The following C9orf72 variants were observed in gnomAD, a reference collection of about 807,000 sequenced individuals.
C9orf72 encodes C9orf72-SMCR8 complex subunit.
C9orf72 carries 44 observed loss-of-function variants against 51.6 expected under a neutral mutation model. The observed-to-expected ratio is 0.85, with a 90% confidence interval of 0.67 to 1.10. C9orf72 has a LOEUF of 1.10. C9orf72 is among the 50% of genes least tolerant of loss of function. The pLI, the probability that C9orf72 is intolerant of heterozygous loss-of-function variation, is 0.00. For missense variants in C9orf72, 607 were observed against 570.6 expected (o/e 1.06, Z -0.65); for synonymous variants, 213 against 194.2 (o/e 1.10, Z -0.81).
intron 8 of C9orf72, among the ~76,000 whole-genome samples, chr9:27,553,606 C>A (rs1472391939): frequency 6.6e-6 from 1 of 152,078 alleles, no homozygotes; most frequent in Non-Finnish European, 1.5e-5. Flanking sequence ...ATTGTAAAAA[C>A]CCTGGAAGAC....
chr9:27,563,218 A>G (rs1020669392), intron 3 of C9orf72, among the ~76,000 whole-genome samples: 4 of 152,046 alleles, frequency 2.6e-5, no homozygotes, highest in Non-Finnish European at 1.5e-5. Flanking sequence ...TTAAGAATCA[A>G]TAAAACAGAA....
At chr9:27,572,770 A>T (rs1819616045) in intron 1 of C9orf72, among the ~76,000 whole-genome samples, 1 of 152,244 alleles carries the variant, frequency 6.6e-6, no homozygotes, top group Admixed American at 6.5e-5. Flanking sequence ...GATTACCATC[A>T]GTCAAGTGAT....
At position 27,561,594 on chromosome 9, in the gene C9orf72, A is replaced by C. The variant is rs1372750700; in HGVS notation, c.656T>G (p.Phe219Cys). The change falls in exon 5 of 11, where the codon TTT (phenylalanine) becomes TGT (cysteine). Residue 219 changes from phenylalanine to cysteine, a missense_variant. Phe to Cys is a radical substitution (Grantham distance 205, BLOSUM62 -2). Transcript: ENST00000380003. The stretch of plus-strand genomic sequence containing the variant: ...AAAGAAAAATTCTTACTTGAGAAGA[A>C]AGCCTTCATGACAGCTGTCACCAAT... ...DDIGDSCHEG[F>C]LLNAISSHLQ... 6.2e-7 allele frequency: 1 copy of C among 1,612,630 alleles called. No homozygotes were observed. Among genetic ancestry groups the C allele is most frequent in the Admixed American group, 1.7e-5 (1 of 59,860 alleles).
At chr9:27,572,466 T>TTG (rs2131550823) in intron 1 of C9orf72, among the ~76,000 whole-genome samples, 1 of 151,956 alleles carries the variant, frequency 6.6e-6, no homozygotes, top group Non-Finnish European at 1.5e-5. Flanking sequence ...ACAGTATCTT[T>TTG]TTTTTTTTTG....
At chr9:27,573,525 CCCCGG>C (rs1819645536), upstream of C9orf72, 1 of 33,212 alleles carries the variant, frequency 3.0e-5, no homozygotes, top group Admixed American at 3.2e-4. Flanking sequence ...CCCGACCACG[CCCCGG>C]CCCCGGCCCC....
chr9:27,548,842 T>A (rs1226976910), intron 9 of C9orf72, among the ~76,000 whole-genome samples, 176 bp from the exon 10 acceptor site: 7 of 147,260 alleles, frequency 4.8e-5, no homozygotes, highest in Non-Finnish European at 1.0e-4. Flanking sequence ...GTAGGAACAA[T>A]CTGATATTTT....
At chr9:27,550,542 G>A (rs926188373) in intron 9 of C9orf72, 108 bp downstream of exon 9, 18 of 638,490 alleles carry the variant, frequency 2.8e-5, no homozygotes, top group Non-Finnish European at 4.3e-5. Context: ...CAGAACTCTG[G>A]GGCATGATCC....
chr9:27,573,411 G>C lies in C9orf72; in HGVS notation c.-45+20C>G, dbSNP rs544237141. On this transcript the variant is annotated intron_variant, in intron 1 of 10. Coordinates refer to ENST00000380003, the MANE Select transcript of C9orf72 (RefSeq NM_018325.5). ...CGAACCCCAAACAGCCACCCGCCAG[G>C]ATGCCGCCTCCTCACTCACCCACTC... is the stretch of plus-strand genomic sequence containing the variant. The C allele has an allele frequency of 6.6e-6, 1 of 152,112 alleles. No homozygotes were observed. The highest frequency in any genetic ancestry group is 1.5e-5 in the Non-Finnish European group (1 of 68,048). The allele number at this position is 152,112 out of a possible 1,614,324, so 9.4% of individuals were successfully genotyped here. A position where few individuals can be genotyped will look rare whatever the true frequency, so the allele number is the denominator to read the frequency against.
At chr9:27,568,311 C>T (rs543986622) in intron 1 of C9orf72, among the ~76,000 whole-genome samples, 13 of 152,230 alleles carry the variant, frequency 8.5e-5, no homozygotes, top group Non-Finnish European at 1.2e-4. Flanking sequence ...GAGAGTTCTA[C>T]ACTAAATGGC....
Position 27,572,955 on chromosome 9 carries a change from C to G in C9orf72, c.-45+476G>C, listed in dbSNP as rs138196817. Among the ~76,000 whole-genome samples the G allele has an allele frequency of 4.4e-3, 670 of 152,316 alleles. 5 individuals carry two copies. Among genetic ancestry groups the G allele is most frequent in the African/African-American group, 0.015 (616 of 41,568 alleles). Reference sequence around the variant, plus strand: ...CTGAAATTGTGCAGGCGTCTCCACACCCCCATCTCATCCCGCATGATCTCC... The same window carrying G: ...CTGAAATTGTGCAGGCGTCTCCACAGCCCCATCTCATCCCGCATGATCTCC... On this transcript the variant is annotated intron_variant, in intron 1 of 10. Transcript: ENST00000380003.
Position 27,547,537 on chromosome 9 carries a change from G to C in C9orf72, c.*699C>G, listed in dbSNP as rs1239150977. On this transcript the variant is annotated 3_prime_UTR_variant, in exon 11 of 11. Transcript: ENST00000380003. ...ACATAAAATACAATTTCCTTTTACA[G>C]AGCTCAACTACATAGAATATCAACA... 6.6e-6 allele frequency: 1 copy of C among 152,560 alleles called. No individual in the cohort carries two copies. The highest frequency in any genetic ancestry group is 1.5e-5 in the Non-Finnish European group (1 of 68,030). 9.5% of individuals were successfully genotyped at this position (152,560 alleles called of 1,614,324 possible). A position where few individuals can be genotyped will look rare whatever the true frequency, so the allele number is the denominator to read the frequency against.
intron 2 of C9orf72, 27 bp downstream of exon 2, chr9:27,566,650 T>G (rs1260786419): frequency 6.7e-7 from 1 of 1,500,460 alleles, no homozygotes; most frequent in Admixed American, 2.0e-5. Context: ...TAGGTTAACA[T>G]GATTAATAAG....
chr9:27,568,292 C>CTCTTTGCATAGA (rs2131546914), intron 1 of C9orf72, among the ~76,000 whole-genome samples: 1 of 152,122 alleles, frequency 6.6e-6, no homozygotes, highest in African/African-American at 2.4e-5. Context: ...AGCATTTCAT[C>CTCTTTGCATAGA]ACTGCAAAGA....
At chr9:27,552,581 C>A (rs569975501) in intron 8 of C9orf72, among the ~76,000 whole-genome samples, 37 of 137,054 alleles carry the variant, frequency 2.7e-4, no homozygotes, top group South Asian at 6.9e-4. Flanking sequence ...GTCTTGAACT[C>A]CTGGGCTTAA....
At chr9:27,558,833 C>T in intron 6 of C9orf72, 1 of 403,238 alleles carries the variant, frequency 2.5e-6, no homozygotes, top group Non-Finnish European at 4.5e-6. Context: ...TGTATGGCAT[C>T]TCAAAACCTT....
rs147034723 is a variant in C9orf72, at chr9:27,560,283, A to G, written c.682T>C (p.Leu228=). 268 of 1,610,254 alleles carry G rather than the reference A, an allele frequency of 1.7e-4. 4 individuals are homozygous for G. In the East Asian group the frequency reaches 5.8e-3, roughly 35 times the overall value. ...ACAACGGAACAGCCACAGGTTTGCA[A>G]GTGTGAGCTGATGGCACTGTAAGTT... ...GFLLNAISSH[L]QTCGCSVVVG... is the part of the protein sequence containing the mutation. Residue 228 remains leucine, a synonymous_variant, in exon 6 of 11, where the codon TTG becomes CTG. Transcript: ENST00000380003.
chr9:27,554,542 C>G (rs1820971897), intron 8 of C9orf72: 3 of 398,170 alleles, frequency 7.5e-6, no homozygotes, highest in Non-Finnish European at 1.3e-5. Context: ...ATGCTTATTA[C>G]CTGGGTAATG....
At chr9:27,573,759 A>C (rs1023939611), upstream of C9orf72, 62 of 152,452 alleles carry the variant, frequency 4.1e-4, no homozygotes, top group African/African-American at 1.4e-3. Flanking sequence ...AAAGAGAAGC[A>C]ACCGGGCAGC....
At chr9:27,565,619 AC>A (rs752623049) in intron 2 of C9orf72, 29 bp from the exon 3 acceptor site, 1 of 1,356,424 alleles carries the variant, frequency 7.4e-7, no homozygotes, top group South Asian at 1.2e-5. Context: ...ATTTAAAAAA[AC>A]AACCCACAAC....
Sources: gnomAD v4.1 joint callset for allele counts (sites outside exome capture counted in the v4.1 genomes callset) on GRCh38, gnomAD v4.1.1 for gene constraint, MANE v1.5 for transcripts, NCBI Gene and HGNC (gene_info 2026-07-23, HGNC 2026-07-21) for gene names.